NLRC3: variants seen among roughly 807,000 people sequenced by gnomAD.
NLRC3 encodes the protein NLR family CARD domain-containing protein 3.
Under a neutral mutation model 91.6 loss-of-function variants are expected in NLRC3, and 87 were observed. The observed-to-expected ratio is 0.95, with a 90% CI of 0.80 to 1.14. The LOEUF (loss-of-function observed/expected upper bound fraction) is 1.14. NLRC3 is among the 50% of genes most tolerant of loss of function. The pLI, the probability that NLRC3 is intolerant of heterozygous loss-of-function variation, is 0.00. For missense variants in NLRC3, 1,577 were observed against 1,418.6 expected (o/e 1.11, Z -1.79); for synonymous variants, 694 against 625.3 (o/e 1.11, Z -1.64).
At chr16:3,566,268 G>A (rs1370666828) in intron 2 of NLRC3, among the ~76,000 whole-genome samples, 2 of 152,166 alleles carry the variant, frequency 1.3e-5, no homozygotes, top group Non-Finnish European at 2.9e-5. Flanking sequence ...TGGGGTGTAT[G>A]GGAAGTCTCT....
At chr16:3,542,154 A>G in intron 19 of NLRC3, 37 bp downstream of exon 19, 2 of 1,409,322 alleles carry the variant, frequency 1.4e-6, no homozygotes, top group Non-Finnish European at 2.0e-6. Context: ...ACCTGGAAGC[A>G]GTTCTAAGGG....
Position 3,566,434 on chromosome 16 carries a change from T to C in NLRC3, c.-87+809A>G, listed in dbSNP as rs1313321763. On this transcript the variant is annotated intron_variant, in intron 2 of 19. Coordinates refer to ENST00000359128, the MANE Select transcript of NLRC3 (RefSeq NM_178844.4). ...GGTGAGACCCTGTCTCTACTGAAAA[T>C]ACAAAAATTAGCCGGGGAGGGTGGC... Among the ~76,000 whole-genome samples the C allele has an allele frequency of 2.6e-5, 4 of 152,030 alleles. No homozygotes were observed. In the East Asian group the frequency reaches 7.7e-4, roughly 29 times the overall value.
chr16:3,576,869 C>T (rs535044103), intron 1 of NLRC3, among the ~76,000 whole-genome samples: 44 of 152,258 alleles, frequency 2.9e-4, no homozygotes, highest in African/African-American at 9.6e-4. Context: ...GGGGTTTCAC[C>T]ATGTTGGCCA....
intron 7 of NLRC3, 138 bp downstream of exon 7, chr16:3,557,455 G>A (rs75141376): frequency 0.057 from 35,459 of 616,992 alleles, 1,198 homozygotes; most frequent in Non-Finnish European, 0.066. Flanking sequence ...TGCTACCCAG[G>A]GGCTGAATCA....
intron 8 of NLRC3, 54 bp from the exon 9 acceptor site, chr16:3,554,379 G>A: frequency 7.2e-7 from 1 of 1,386,346 alleles, no homozygotes; most frequent in Non-Finnish European, 1.0e-6. Flanking sequence ...GGAACCCAGG[G>A]GTCTGAACTC....
At chr16:3,542,817 G>C (rs1482667700) in intron 17 of NLRC3, 42 bp from the exon 18 acceptor site, 1 of 1,395,284 alleles carries the variant, frequency 7.2e-7, no homozygotes. Context: ...GGTACAGGCT[G>C]AGAGGTGATA....
chr16:3,569,028 G>T (rs1252039701), intron 1 of NLRC3, among the ~76,000 whole-genome samples: 2 of 151,968 alleles, frequency 1.3e-5, no homozygotes, highest in Admixed American at 1.3e-4. Context: ...AATTACTTCA[G>T]CAAGGCTGGG....
At chr16:3,548,827 T>G in intron 13 of NLRC3, 74 bp from the exon 14 acceptor site, 1 of 1,059,932 alleles carries the variant, frequency 9.4e-7, no homozygotes, top group Non-Finnish European at 1.4e-6. Context: ...CACCAGGGAT[T>G]CCAGGGCTTG....
rs781369180 is a variant in NLRC3 at position 3,541,806 on chromosome 16, C to G, written c.*19G>C. The stretch of plus-strand genomic sequence containing the variant: ...TTCCAGCTGAGCATCTGCCCATTCT[C>G]CTGATCCGTCCACCAGGATCACATT... On this transcript the variant is annotated 3_prime_UTR_variant, in exon 20 of 20. Transcript: ENST00000359128. The G allele has an allele frequency of 1.3e-6, 2 of 1,547,588 alleles. No homozygotes were observed. The highest frequency in any genetic ancestry group is 1.8e-6 in the Non-Finnish European group (2 of 1,121,894).
intron 12 of NLRC3, among the ~76,000 whole-genome samples, chr16:3,549,471 C>T (rs145043051): frequency 0.013 from 1,997 of 152,128 alleles, 47 homozygotes; most frequent in African/African-American, 0.045. Flanking sequence ...CCCAGAGGTG[C>T]GAGGGGACAG....
At position 3,548,664 on chromosome 16, in the gene NLRC3, A is replaced by G. The variant is rs2038827543; in HGVS notation, c.2687+6T>C. On this transcript the variant is annotated splice_donor_region_variant and intron_variant, in intron 14 of 19. Transcript: ENST00000359128. ...AACAGAGCAGGGTGGAGAGCTGCAGACTCACTGAAGGGAGGTGAGGGTGCG... is the reference window on the plus strand; with the variant it reads ...AACAGAGCAGGGTGGAGAGCTGCAGGCTCACTGAAGGGAGGTGAGGGTGCG... 3.2e-6 allele frequency: 5 copies of G among 1,567,306 alleles called. No homozygotes were observed. The highest frequency in any genetic ancestry group is 1.8e-5 in the Admixed American group (1 of 54,158).
chr16:3,573,264 C>CAA (rs879790975), intron 1 of NLRC3, among the ~76,000 whole-genome samples: 3 of 135,396 alleles, frequency 2.2e-5, no homozygotes, highest in Non-Finnish European at 3.2e-5. Flanking sequence ...ATAAAAAGTA[C>CAA]AAAAAAAAAA....
chr16:3,563,158 G>T lies in NLRC3; in HGVS notation c.1779C>A (p.Ala593=). 6.3e-7 allele frequency: 1 copy of T among 1,590,862 alleles called. No individual in the cohort carries two copies. Among genetic ancestry groups the T allele is most frequent in the Admixed American group, 1.7e-5 (1 of 57,728 alleles). Residue 593 remains alanine, a synonymous_variant, in exon 5 of 20, where the codon GCC becomes GCA. Coordinates refer to ENST00000359128, the MANE Select transcript of NLRC3 (RefSeq NM_178844.4). ...CGCGGTGCGCGGGACCAGTCAGCCTGGCCAGGGCCCCGCTCTCCATGGCCT... is the reference window on the plus strand; with the variant it reads ...CGCGGTGCGCGGGACCAGTCAGCCTTGCCAGGGCCCCGCTCTCCATGGCCT... ...VEEAMESGAL[A]RLTGPAHRAA...
chr16:3,569,023 C>T (rs1567153446), intron 1 of NLRC3, among the ~76,000 whole-genome samples: 3 of 152,052 alleles, frequency 2.0e-5, no homozygotes, highest in African/African-American at 7.2e-5. Flanking sequence ...TTTCAAATTA[C>T]TTCAGCAAGG....
Position 3,548,702 on chromosome 16 carries a change from T to G in NLRC3, c.2655A>C (p.Ala885=), listed in dbSNP as rs1317082149. ...AGGTGAGGGTGCGGTTTTCTCTCAC[T>G]GCCACTGCGATGGCCCGGGCACCCT... The part of the protein sequence containing the change: ...HDQGARAIAV[A]VRENRTLTSL... The change falls in exon 14 of 20, where the codon GCA becomes GCC. Residue 885 remains alanine (A), a synonymous_variant. Transcript: ENST00000359128. The G allele has an allele frequency of 4.4e-6, 7 of 1,600,752 alleles. No homozygotes were observed. In the African/African-American group the frequency reaches 9.4e-5, roughly 21 times the overall value.
intron 11 of NLRC3, 63 bp downstream of exon 11, chr16:3,550,351 C>A: frequency 1.8e-6 from 2 of 1,118,082 alleles, no homozygotes; most frequent in African/African-American, 1.5e-5. Context: ...TTCAGGACTG[C>A]CGGCCCACTA....
chr16:3,555,992 G>C (rs1036283155), intron 8 of NLRC3: 2 of 148,486 alleles, frequency 1.3e-5, no homozygotes, highest in African/African-American at 4.9e-5. Flanking sequence ...CAGAAAAGTG[G>C]TACCCACTCA....
At position 3,541,753 on chromosome 16, in the gene NLRC3, C is replaced by G. The variant is rs1296811376; in HGVS notation, c.*72G>C. ...CGTTCCCAGCTCCCAGACAGGCCCC[C>G]CAGAAGTCGGCCTTTCTGTTCAAAA... is the stretch of plus-strand genomic sequence containing the variant. On this transcript the variant is annotated 3_prime_UTR_variant, in exon 20 of 20. Transcript: ENST00000359128. 5.9e-6 allele frequency: 6 copies of G among 1,022,776 alleles called. No individual in the cohort carries two copies. Among genetic ancestry groups the G allele is most frequent in the Non-Finnish European group, 9.0e-6 (6 of 664,676 alleles). The allele number at this position is 1,022,776 out of a possible 1,614,324, so 63.4% of individuals were successfully genotyped here. A position where few individuals can be genotyped will look rare whatever the true frequency, so the allele number is the denominator to read the frequency against.
intron 9 of NLRC3, among the ~76,000 whole-genome samples, chr16:3,552,871 C>T (rs375721920): frequency 2.0e-5 from 3 of 152,232 alleles, no homozygotes; most frequent in South Asian, 4.1e-4. Flanking sequence ...ACCAGGGAGG[C>T]GGAGGTTGCA....
Sources: gnomAD v4.1 joint callset for allele counts (sites outside exome capture counted in the v4.1 genomes callset) on GRCh38, gnomAD v4.1.1 for gene constraint, MANE v1.5 for transcripts, NCBI Gene and HGNC (gene_info 2026-07-23, HGNC 2026-07-21) for gene names.